The following SYNDIG1 variants were observed in gnomAD, a reference collection of about 807,000 sequenced individuals.
SYNDIG1 encodes the protein synapse differentiation-inducing gene protein 1.
SYNDIG1 carries 9 observed loss-of-function variants against 19.4 expected under a neutral mutation model. The observed-to-expected ratio is 0.46, with a 90% CI of 0.28 to 0.81. SYNDIG1 has a LOEUF of 0.81. Among genes scored for constraint, SYNDIG1 ranks in the 30% least tolerant of loss-of-function variants. The pLI is 0.12. For synonymous variants in SYNDIG1, 141 were observed against 145.9 expected (o/e 0.97, Z 0.24); for missense variants, 311 against 343.3 (o/e 0.91, Z 0.74).
intron 3 of SYNDIG1, 62 bp downstream of exon 3, chr20:24,585,055 G>GCC: frequency 1.9e-5 from 13 of 685,342 alleles, no homozygotes; most frequent in Non-Finnish European, 3.2e-5. Context: ...GGGTGGGGGC[G>GCC]GCAATCCCAG....
Position 24,518,943 on chromosome 20 carries a change from G to C in SYNDIG1, c.-78-24077G>C, listed in dbSNP as rs898894357. Among the ~76,000 whole-genome samples, 5 of 152,328 alleles carry C rather than the reference G, an allele frequency of 3.3e-5. No individual in the cohort carries two copies. In the East Asian group the frequency reaches 7.7e-4, roughly 23 times the overall value. On this transcript the variant is annotated intron_variant, in intron 1 of 3. Transcript: ENST00000376862. ...GGTGCTCCAGCAGGGTCTCTGGAGT[G>C]AGTACCCTCTTCCAATTTGGGTTTC...
chr20:24,511,001 T>C (rs1003680661), intron 1 of SYNDIG1, among the ~76,000 whole-genome samples: 2 of 152,238 alleles, frequency 1.3e-5, no homozygotes, highest in African/African-American at 4.8e-5. Context: ...AGTAGTTATT[T>C]TTATTTCAGG....
At chr20:24,515,141 T>A (rs1225190924) in intron 1 of SYNDIG1, among the ~76,000 whole-genome samples, 1 of 152,118 alleles carries the variant, frequency 6.6e-6, no homozygotes, top group Non-Finnish European at 1.5e-5. Flanking sequence ...TAGAGGGAAA[T>A]TTATAGCACT....
rs1438280872 is a variant in SYNDIG1, at chr20:24,543,307, G to A, written c.210G>A (p.Met70Ile). 2 of 1,613,430 alleles carry A rather than the reference G, an allele frequency of 1.2e-6. No homozygotes were observed. Among genetic ancestry groups the A allele is most frequent in the East Asian group, 2.2e-5 (1 of 44,900 alleles). ...ASLDSSRSEP[M>I]QQLLDPNTLQ... ...TGGACAGCAGCAGGAGTGAGCCGAT[G>A]CAGCAGCTGCTGGACCCCAACACCC... is the stretch of plus-strand genomic sequence containing the variant. Residue 70 changes from methionine (M) to isoleucine (I), a missense_variant, in exon 2 of 4, where the codon ATG becomes ATA. Physicochemically the swap from Met to Ile is conservative, Grantham distance 10. Coordinates refer to ENST00000376862, the MANE Select transcript of SYNDIG1 (RefSeq NM_024893.3).
At chr20:24,550,609 C>T (rs1375316904) in intron 2 of SYNDIG1, among the ~76,000 whole-genome samples, 3 of 151,764 alleles carry the variant, frequency 2.0e-5, no homozygotes, top group Admixed American at 6.6e-5. Context: ...CCCGGGTTCA[C>T]ACCATTCTCC....
At chr20:24,629,448 G>A (rs550677301) in intron 3 of SYNDIG1, among the ~76,000 whole-genome samples, 22 of 152,226 alleles carry the variant, frequency 1.4e-4, no homozygotes, top group Middle Eastern at 3.4e-3. Flanking sequence ...TAAACAATAT[G>A]CCAAGAAGAA....
rs562668378 is a variant in SYNDIG1, at chr20:24,587,171, G to A, written c.618+2178G>A. Reference sequence around the variant, plus strand: ...TTGGAGGTGAAGTGGAAACATTTTCGGGGGTGGGTGTAGGTGTTGCCTTCA... The same window carrying A: ...TTGGAGGTGAAGTGGAAACATTTTCAGGGGTGGGTGTAGGTGTTGCCTTCA... On this transcript the variant is annotated intron_variant, in intron 3 of 3. Coordinates refer to ENST00000376862, the MANE Select transcript of SYNDIG1 (RefSeq NM_024893.3). Among the ~76,000 whole-genome samples, 15 of 152,286 alleles carry A rather than the reference G, an allele frequency of 9.8e-5. No individual in the cohort carries two copies. The South Asian group carries it at 2.5e-3, about 25-fold the overall frequency.
intron 3 of SYNDIG1, among the ~76,000 whole-genome samples, chr20:24,630,951 G>A (rs1286420274): frequency 6.6e-6 from 1 of 152,252 alleles, no homozygotes; most frequent in Non-Finnish European, 1.5e-5. Flanking sequence ...AGGATCACAT[G>A]ATGATTTGGG....
chr20:24,574,399 G>T (rs2058194141), intron 2 of SYNDIG1, among the ~76,000 whole-genome samples: 1 of 152,002 alleles, frequency 6.6e-6, no homozygotes, highest in Non-Finnish European at 1.5e-5. Context: ...TGAAGCAGGA[G>T]AATTGCTTCA....
intron 1 of SYNDIG1, among the ~76,000 whole-genome samples, chr20:24,492,964 G>T (rs2056197672): frequency 6.6e-6 from 1 of 152,224 alleles, no homozygotes; most frequent in Non-Finnish European, 1.5e-5. Context: ...ATCCTGTTGT[G>T]CTAATTTCAC....
chr20:24,522,561 C>G (rs1376145899), intron 1 of SYNDIG1, among the ~76,000 whole-genome samples: 2 of 152,148 alleles, frequency 1.3e-5, no homozygotes, highest in African/African-American at 4.8e-5. Context: ...GAGTCCTTCC[C>G]TTGGTTACTG....
chr20:24,586,215 G>C (rs974748627), intron 3 of SYNDIG1, among the ~76,000 whole-genome samples: 3 of 152,228 alleles, frequency 2.0e-5, no homozygotes, highest in African/African-American at 4.8e-5. Flanking sequence ...GCAGGCAGGG[G>C]TGTAGCTGGA....
chr20:24,591,107 T>C (rs1309697745), intron 3 of SYNDIG1, among the ~76,000 whole-genome samples: 2 of 148,782 alleles, frequency 1.3e-5, no homozygotes, highest in Admixed American at 6.8e-5. Flanking sequence ...TGTGTGTGTG[T>C]GCACTTTTCT....
chr20:24,506,993 C>T (rs1334958872), intron 1 of SYNDIG1, among the ~76,000 whole-genome samples: 1 of 152,200 alleles, frequency 6.6e-6, no homozygotes, highest in East Asian at 1.9e-4. Flanking sequence ...CCCAGAAGCC[C>T]CCTGAGATAA....
intron 3 of SYNDIG1, among the ~76,000 whole-genome samples, chr20:24,636,717 A>G (rs1454546189): frequency 6.6e-6 from 1 of 152,322 alleles, no homozygotes; most frequent in South Asian, 2.1e-4. Context: ...GCATTCACCC[A>G]TGCAAGCTTC....
At position 24,561,829 on chromosome 20, in the gene SYNDIG1, A is replaced by G. The variant is rs547341329; in HGVS notation, c.480+18252A>G. ...ACAAAGAATGTGTTGATGCCCACACATGGCTTGTGGTTAGGTTGAGAATGT... is the reference window on the plus strand; with the variant it reads ...ACAAAGAATGTGTTGATGCCCACACGTGGCTTGTGGTTAGGTTGAGAATGT... On this transcript the variant is annotated intron_variant, in intron 2 of 3. Transcript: ENST00000376862. Among the ~76,000 whole-genome samples, 4 of 152,318 alleles carry G rather than the reference A, an allele frequency of 2.6e-5. No homozygotes were observed. The South Asian group carries it at 6.2e-4, about 24-fold the overall frequency.
intron 1 of SYNDIG1, among the ~76,000 whole-genome samples, chr20:24,476,764 C>T (rs1255012420): frequency 6.6e-6 from 1 of 152,166 alleles, no homozygotes; most frequent in African/African-American, 2.4e-5. Flanking sequence ...CAAGGCTCTG[C>T]TGGAAGCCTC....
At chr20:24,608,027 G>A (rs143026032) in intron 3 of SYNDIG1, among the ~76,000 whole-genome samples, 3,750 of 152,230 alleles carry the variant, frequency 0.025, 64 homozygotes, top group African/African-American at 0.036. Context: ...ATCTTCGGCA[G>A]CTAAACCCTC....
chr20:24,498,370 GTATAT>G (rs1432988485), intron 1 of SYNDIG1, among the ~76,000 whole-genome samples: 10 of 152,164 alleles, frequency 6.6e-5, no homozygotes, highest in Non-Finnish European at 1.2e-4. Context: ...ATTATATAGT[GTATAT>G]TATAAGTGTA....
Sources: allele counts gnomAD v4.1 joint callset (sites outside exome capture counted in the v4.1 genomes callset), GRCh38; gene constraint gnomAD v4.1.1; transcripts MANE v1.5; gene names NCBI Gene and HGNC (gene_info 2026-07-23, HGNC 2026-07-21).